ROBO2: variants seen among roughly 807,000 people sequenced by gnomAD.
ROBO2 encodes the protein roundabout guidance receptor 2, also known as roundabout homolog 2.
Under a neutral mutation model 160.8 loss-of-function variants are expected in ROBO2, and 53 were observed. That is an observed-to-expected ratio of 0.33 (90% CI 0.26 to 0.41). The LOEUF is 0.41. Ranked by LOEUF, ROBO2 falls within the 10% of genes least tolerant of loss-of-function variation. The pLI is 1.00. For synonymous variants in ROBO2, 664 were observed against 611.7 expected (o/e 1.09, Z -1.26); for missense variants, 1,577 against 1,722.4 (o/e 0.92, Z 1.49).
intron 2 of ROBO2, among the ~76,000 whole-genome samples, chr3:76,082,209 T>A (rs2068859584): frequency 6.6e-6 from 1 of 152,182 alleles, no homozygotes; most frequent in Non-Finnish European, 1.5e-5. Flanking sequence ...TAAGAGATGA[T>A]GTGACTACTG....
chr3:77,462,926 T>C (rs553131119), intron 2 of ROBO2, among the ~76,000 whole-genome samples: 1 of 152,316 alleles, frequency 6.6e-6, no homozygotes, highest in African/African-American at 2.4e-5. Context: ...AACTCGCTCC[T>C]CCAAAAAGCC....
At chr3:76,019,960 G>T (rs2107657571) in intron 2 of ROBO2, among the ~76,000 whole-genome samples, 1 of 151,766 alleles carries the variant, frequency 6.6e-6, no homozygotes, top group Middle Eastern at 3.4e-3. Flanking sequence ...GCTAATATTT[G>T]TATTATGGCC....
chr3:76,662,761 A>G (rs1173939276), intron 2 of ROBO2, among the ~76,000 whole-genome samples: 1 of 152,176 alleles, frequency 6.6e-6, no homozygotes, highest in Non-Finnish European at 1.5e-5. Context: ...CAGTCTGAGC[A>G]GAGTTGAGGA....
intron 2 of ROBO2, among the ~76,000 whole-genome samples, chr3:76,243,271 G>A (rs930768998): frequency 4.0e-5 from 6 of 151,610 alleles, no homozygotes; most frequent in Non-Finnish European, 7.4e-5. Context: ...GAGCACTGCC[G>A]GTCCTTCTAT....
At chr3:77,150,386 A>T (rs144646574) in intron 2 of ROBO2, among the ~76,000 whole-genome samples, 18 of 152,340 alleles carry the variant, frequency 1.2e-4, no homozygotes, top group African/African-American at 4.3e-4. Context: ...TCTTTATAGC[A>T]AAACGTAAAG....
chr3:76,858,998 C>T (rs538746483), intron 2 of ROBO2, among the ~76,000 whole-genome samples: 29 of 152,008 alleles, frequency 1.9e-4, no homozygotes, highest in Non-Finnish European at 3.7e-4. Flanking sequence ...TAATCATGTT[C>T]AGATAGAGGA....
intron 2 of ROBO2, among the ~76,000 whole-genome samples, chr3:77,420,321 T>TA (rs961752925): frequency 2.6e-5 from 4 of 152,092 alleles, no homozygotes; most frequent in African/African-American, 9.7e-5. Flanking sequence ...AATTCTTTTC[T>TA]AAAAAGCCTG....
At chr3:76,076,627 G>T (rs2068654137) in intron 2 of ROBO2, among the ~76,000 whole-genome samples, 1 of 152,090 alleles carries the variant, frequency 6.6e-6, no homozygotes, top group South Asian at 2.1e-4. Context: ...ACACTTAACA[G>T]CTGATGACCT....
At chr3:76,491,977 A>G (rs1392249011) in intron 2 of ROBO2, among the ~76,000 whole-genome samples, 1 of 152,090 alleles carries the variant, frequency 6.6e-6, no homozygotes, top group Non-Finnish European at 1.5e-5. Context: ...GATGTGGTGC[A>G]TGGTGGTGTG....
chr3:76,217,007 C>T (rs1250829017), intron 2 of ROBO2, among the ~76,000 whole-genome samples: 2 of 152,172 alleles, frequency 1.3e-5, no homozygotes, highest in East Asian at 1.9e-4. Flanking sequence ...TTAAGAAACT[C>T]ACTCAAAACC....
At chr3:77,425,327 A>G (rs2078088314) in intron 2 of ROBO2, among the ~76,000 whole-genome samples, 5 of 152,222 alleles carry the variant, frequency 3.3e-5, no homozygotes, top group Admixed American at 6.5e-5. Context: ...AAGCAAACAG[A>G]TGATGTGGTA....
At chr3:76,072,020 A>G (rs1020564747) in intron 2 of ROBO2, among the ~76,000 whole-genome samples, 2 of 152,124 alleles carry the variant, frequency 1.3e-5, no homozygotes, top group African/African-American at 4.8e-5. Context: ...ATGTTATACC[A>G]CATCTTTTCA....
chr3:76,101,437 T>C (rs1255886907), intron 2 of ROBO2, among the ~76,000 whole-genome samples: 2 of 152,162 alleles, frequency 1.3e-5, no homozygotes, highest in Non-Finnish European at 2.9e-5. Context: ...AGATGTCAAA[T>C]ATAAAGTATT....
rs1295335991 is a variant in ROBO2 at position 76,096,601 on chromosome 3, G to A, written c.109+158999G>A. Reference sequence around the variant, plus strand: ...TAGAATTTATCTCTGAATTTCTATAGATTATGATAATTAATAATACAAATA... The same window carrying A: ...TAGAATTTATCTCTGAATTTCTATAAATTATGATAATTAATAATACAAATA... On this transcript the variant is annotated intron_variant, in intron 2 of 26. Transcript: ENST00000487694. 2.0e-5 allele frequency among the ~76,000 whole-genome samples: 3 copies of A among 152,214 alleles called. No homozygotes were observed. The East Asian group carries it at 5.8e-4, about 29-fold the overall frequency.
At chr3:76,201,516 T>C (rs952590248) in intron 2 of ROBO2, among the ~76,000 whole-genome samples, 7 of 152,216 alleles carry the variant, frequency 4.6e-5, no homozygotes, top group African/African-American at 9.6e-5. Context: ...TGTGCCATCA[T>C]TGTTGAACTA....
chr3:76,651,255 G>C (rs2091244110), intron 2 of ROBO2, among the ~76,000 whole-genome samples: 1 of 152,106 alleles, frequency 6.6e-6, no homozygotes, highest in Non-Finnish European at 1.5e-5. Context: ...ATGACTCCCA[G>C]AAGTTCCAGG....
intron 2 of ROBO2, among the ~76,000 whole-genome samples, chr3:76,466,643 G>A (rs1300146402): frequency 6.6e-6 from 1 of 151,560 alleles, no homozygotes; most frequent in South Asian, 2.1e-4. Context: ...ACTATTTTTT[G>A]TTGACCCATC....
rs2093871050 is a variant in ROBO2, at chr3:77,579,927, T to A, written c.2329-20T>A. On this transcript the variant is annotated intron_variant, in intron 15 of 25. Coordinates refer to ENST00000461745, the Ensembl canonical transcript of ROBO2. The stretch of plus-strand genomic sequence containing the variant: ...ACGATAATCTTATATCCATGTGTTA[T>A]TCACTTTCCATTTCTGTAGATCTGG... The A allele has an allele frequency of 1.2e-6, 2 of 1,608,736 alleles. No individual in the cohort carries two copies. The highest frequency in any genetic ancestry group is 1.7e-6 in the Non-Finnish European group (2 of 1,175,156).
At position 76,619,969 on chromosome 3, in the gene ROBO2, T is replaced by C. The variant is rs370148577; in HGVS notation, c.110-478045T>C. On this transcript the variant is annotated intron_variant, in intron 2 of 26. Coordinates refer to the ROBO2 transcript ENST00000487694. ...AATAATAAAAAATAATTATAATAAT[T>C]AACAGTGGTGCTTGGCTTAAGGCTT... 2.3e-4 allele frequency among the ~76,000 whole-genome samples: 35 copies of C among 152,230 alleles called. No individual in the cohort carries two copies. The South Asian group carries it at 7.2e-3, about 32-fold the overall frequency.
Sources: gnomAD v4.1 joint callset for allele counts (sites outside exome capture counted in the v4.1 genomes callset) on GRCh38, gnomAD v4.1.1 for gene constraint, MANE v1.5 for transcripts, NCBI Gene and HGNC (gene_info 2026-07-23, HGNC 2026-07-21) for gene names.